AIDA: variants seen among roughly 807,000 people sequenced by gnomAD.
AIDA encodes axin interactor, dorsalization associated.
In AIDA, 18 loss-of-function variants were observed where a neutral mutation model predicts 42.7. The ratio of observed to expected loss-of-function variants is 0.42; its 90% CI spans 0.29 to 0.63. The LOEUF is 0.63. Among genes scored for constraint, AIDA ranks in the 20% least tolerant of loss-of-function variants. The probability of loss-of-function intolerance (pLI) is 0.19; values close to 1 mark genes in which losing one functional copy is unlikely to be tolerated. For synonymous variants in AIDA, 104 were observed against 122.9 expected (o/e 0.85, Z 1.02); for missense variants, 250 against 354.1 (o/e 0.71, Z 2.36).
At chr1:222,679,397 T>C (rs1037058794) in intron 6 of AIDA, among the ~76,000 whole-genome samples, 2 of 152,202 alleles carry the variant, frequency 1.3e-5, no homozygotes, top group Non-Finnish European at 2.9e-5. Context: ...AAAAACTGCG[T>C]GTTTCCAGCT....
chr1:222,703,245 A>G (rs1361306090), intron 1 of AIDA, 28 bp from the exon 2 acceptor site: 9 of 1,564,768 alleles, frequency 5.8e-6, no homozygotes, highest in Non-Finnish European at 7.8e-6. Context: ...ATTCTTTAGA[A>G]TGGAAGAAAA....
Position 222,676,080 on chromosome 1 carries a change from A to C in AIDA, c.583+16T>G. 2 of 1,534,446 alleles carry C rather than the reference A, an allele frequency of 1.3e-6. No homozygotes were observed. Among genetic ancestry groups the C allele is most frequent in the Non-Finnish European group, 1.7e-6 (2 of 1,146,684 alleles). ...AAAATTCACCTGAGAAAAAAAAAGT[A>C]AACAGAGTCACTTACCCTTTACACT... On this transcript the variant is annotated intron_variant, in intron 7 of 9. Coordinates refer to ENST00000340020, the MANE Select transcript of AIDA (RefSeq NM_022831.4).
chr1:222,687,095 C>A (rs1655216615), intron 5 of AIDA, 59 bp from the exon 6 acceptor site: 16 of 1,573,090 alleles, frequency 1.0e-5, no homozygotes, highest in South Asian at 2.3e-5. Flanking sequence ...ACTAGTGAAG[C>A]CTCACAGACA....
chr1:222,684,736 T>C (rs1167902703), intron 6 of AIDA, among the ~76,000 whole-genome samples: 1 of 152,180 alleles, frequency 6.6e-6, no homozygotes, highest in East Asian at 1.9e-4. Flanking sequence ...AGAATACAAA[T>C]TCAGTTTGGG....
At chr1:222,693,706 T>C in intron 4 of AIDA, 83 bp downstream of exon 4, 1 of 1,185,120 alleles carries the variant, frequency 8.4e-7, no homozygotes, top group Non-Finnish European at 1.2e-6. Context: ...AATCAAATCA[T>C]AATCTTTGTT....
intron 6 of AIDA, 68 bp from the exon 7 acceptor site, chr1:222,676,286 G>A: frequency 1.3e-6 from 2 of 1,505,478 alleles, no homozygotes; most frequent in Non-Finnish European, 1.8e-6. Context: ...TGAACACAGA[G>A]AAGATACAGC....
Position 222,689,504 on chromosome 1 carries a change from TATATATATATATATATAC to T in AIDA, c.290-1864_290-1847del, listed in dbSNP as rs759572705. Among the ~76,000 whole-genome samples, 389 of 72,020 alleles carry T rather than the reference TATATATATATATATATAC, an allele frequency of 5.4e-3. 8 individuals carry two copies. The highest frequency in any genetic ancestry group is 0.01 in the Non-Finnish European group (343 of 33,398). 47.2% of individuals were successfully genotyped at this position (72,020 alleles called of 152,430 possible). On this transcript the variant is annotated intron_variant, in intron 4 of 9. Transcript: ENST00000340020. ...GTGTATATATATATATATATATATA[TATATATATATATATATAC>T]ACACATACACACACACACATATATA...
intron 2 of AIDA, among the ~76,000 whole-genome samples, chr1:222,700,970 T>TGG (rs1241540984): frequency 1.5e-5 from 1 of 68,170 alleles, no homozygotes; most frequent in African/African-American, 7.4e-5. Context: ...TTGATTTTTT[T>TGG]TGGGGGGGGG....
At chr1:222,706,551 A>G (rs1247392555) in intron 1 of AIDA, among the ~76,000 whole-genome samples, 1 of 152,112 alleles carries the variant, frequency 6.6e-6, no homozygotes. Flanking sequence ...AACATTAATT[A>G]CGCTAAATGA....
rs1655755867 is a variant in AIDA at position 222,703,190 on chromosome 1, G to A, written c.138C>T (p.Ala46=). 2.5e-6 allele frequency: 4 copies of A among 1,609,018 alleles called. No homozygotes were observed. Among genetic ancestry groups the A allele is most frequent in the Admixed American group, 1.7e-5 (1 of 59,170 alleles). The part of the protein sequence containing the change: ...QILARHLQKE[A]QAQHNNSEFT... Reference sequence around the variant, plus strand: ...ATTCAGAATTATTGTGTTGAGCTTGGGCCTCCTTTTGTAGATGTCTTGCTA... The same window carrying A: ...ATTCAGAATTATTGTGTTGAGCTTGAGCCTCCTTTTGTAGATGTCTTGCTA... The change falls in exon 2 of 10, where the codon GCC becomes GCT. Residue 46 remains alanine, a synonymous_variant. Transcript: ENST00000340020.
chr1:222,676,312 C>G, intron 6 of AIDA, 94 bp from the exon 7 acceptor site: 1 of 1,352,386 alleles, frequency 7.4e-7, no homozygotes, highest in Non-Finnish European at 9.8e-7. Context: ...TTGTAACTGA[C>G]TTAGTAACTA....
intron 6 of AIDA, among the ~76,000 whole-genome samples, chr1:222,685,981 G>A (rs868633101): frequency 3.9e-5 from 6 of 152,158 alleles, no homozygotes; most frequent in East Asian, 3.9e-4. Context: ...CCAACATGGC[G>A]AAACCCTGTC....
intron 4 of AIDA, among the ~76,000 whole-genome samples, chr1:222,689,002 G>C (rs1247067303): frequency 3.9e-5 from 6 of 152,104 alleles, no homozygotes; most frequent in African/African-American, 1.2e-4. Context: ...GGAGGTGGAA[G>C]ACAGTGATAT....
intron 4 of AIDA, among the ~76,000 whole-genome samples, chr1:222,692,073 A>C (rs796385194): frequency 1.3e-4 from 20 of 152,302 alleles, no homozygotes; most frequent in African/African-American, 4.6e-4. Flanking sequence ...ATAGGTTTCC[A>C]TTTTCACCAA....
At chr1:222,673,053 A>G (rs1161603232) in intron 8 of AIDA, among the ~76,000 whole-genome samples, 1 of 152,242 alleles carries the variant, frequency 6.6e-6, no homozygotes, top group African/African-American at 2.4e-5. Context: ...TAGTGTGTGA[A>G]AAACTTTGTT....
chr1:222,712,430 G>A lies in AIDA; in HGVS notation c.-113C>T, dbSNP rs1360142874. ...TAACAGGGCCAGGAGGAACCGCTAC[G>A]GCCACCACCGCCACCCGCCGAGGAG... On this transcript the variant is annotated 5_prime_UTR_variant, in exon 1 of 10. Transcript: ENST00000340020. 5 of 1,436,660 alleles carry A rather than the reference G, an allele frequency of 3.5e-6. No homozygotes were observed. Among genetic ancestry groups the A allele is most frequent in the South Asian group, 1.5e-5 (1 of 67,224 alleles). The allele number at this position is 1,436,660 out of a possible 1,614,324, so 89.0% of individuals were successfully genotyped here.
At chr1:222,691,752 G>T (rs1655381652) in intron 4 of AIDA, among the ~76,000 whole-genome samples, 1 of 152,064 alleles carries the variant, frequency 6.6e-6, no homozygotes, top group African/African-American at 2.4e-5. Flanking sequence ...CCATGTGTCA[G>T]TCATATCAGA....
chr1:222,670,339 C>T (rs766252768), intron 8 of AIDA, 89 bp from the exon 9 acceptor site: 3 of 997,304 alleles, frequency 3.0e-6, no homozygotes, highest in Non-Finnish European at 4.5e-6. Flanking sequence ...AGCATATGAA[C>T]AGCTACAGCT....
chr1:222,699,152 T>C (rs923243697), intron 2 of AIDA, among the ~76,000 whole-genome samples: 1 of 152,192 alleles, frequency 6.6e-6, no homozygotes, highest in African/African-American at 2.4e-5. Flanking sequence ...GTTTTTTTAA[T>C]TTTCTTTCAA....
Sources: allele counts gnomAD v4.1 joint callset (sites outside exome capture counted in the v4.1 genomes callset), GRCh38; gene constraint gnomAD v4.1.1; transcripts MANE v1.5; gene names NCBI Gene and HGNC (gene_info 2026-07-23, HGNC 2026-07-21).